The following OPCML variants were observed in gnomAD, a reference collection of about 807,000 sequenced individuals.
OPCML encodes opioid binding protein/cell adhesion molecule like.
A neutral mutation model predicts 37.8 loss-of-function variants in OPCML; 13 were observed. That is an observed-to-expected ratio of 0.34 (90% CI 0.22 to 0.55). The LOEUF (loss-of-function observed/expected upper bound fraction) is 0.55, where lower values mean the gene tolerates loss of function less well. Ranked by LOEUF, OPCML falls within the 20% of genes least tolerant of loss-of-function variation. The probability of loss-of-function intolerance (pLI) is 0.91; values close to 1 mark genes in which losing one functional copy is unlikely to be tolerated. For missense variants in OPCML, 341 were observed against 435.6 expected (o/e 0.78, Z 1.93); for synonymous variants, 176 against 168.8 (o/e 1.04, Z -0.33).
intron 1 of OPCML, among the ~76,000 whole-genome samples, chr11:133,496,265 A>G (rs1947785292): frequency 1.3e-5 from 2 of 152,136 alleles, no homozygotes; most frequent in Non-Finnish European, 2.9e-5. Context: ...CTATGTGCCT[A>G]TTTTTATACC....
At chr11:132,882,814 T>G (rs1265924189) in intron 2 of OPCML, among the ~76,000 whole-genome samples, 1 of 152,094 alleles carries the variant, frequency 6.6e-6, no homozygotes, top group African/African-American at 2.4e-5. Flanking sequence ...GCATAGGCCA[T>G]AAGAGGTTTC....
At chr11:132,707,849 C>T (rs1944099303) in intron 2 of OPCML, among the ~76,000 whole-genome samples, 1 of 152,042 alleles carries the variant, frequency 6.6e-6, no homozygotes, top group African/African-American at 2.4e-5. Flanking sequence ...TTACAGTAAA[C>T]ATATTATAGA....
chr11:133,526,681 G>A (rs1181884095), intron 1 of OPCML, among the ~76,000 whole-genome samples: 1 of 152,202 alleles, frequency 6.6e-6, no homozygotes. Flanking sequence ...CTACATCCAT[G>A]CCCTACTGTG....
At chr11:133,493,918 A>T (rs1255958291) in intron 1 of OPCML, among the ~76,000 whole-genome samples, 1 of 152,130 alleles carries the variant, frequency 6.6e-6, no homozygotes, top group African/African-American at 2.4e-5. Flanking sequence ...ATCAGAGTGA[A>T]CAGGCAACCC....
chr11:133,320,310 T>C (rs951817247), intron 1 of OPCML, among the ~76,000 whole-genome samples: 2 of 152,186 alleles, frequency 1.3e-5, no homozygotes, highest in Non-Finnish European at 2.9e-5. Flanking sequence ...TCCTATTCAA[T>C]AATAGTTATT....
At chr11:132,452,035 CAGGCT>C (rs2096069592) in intron 4 of OPCML, among the ~76,000 whole-genome samples, 2 of 152,076 alleles carry the variant, frequency 1.3e-5, no homozygotes, top group African/African-American at 4.8e-5. Flanking sequence ...TGTCACAGGA[CAGGCT>C]AGGCTATTGG....
At chr11:132,868,108 T>C (rs1942645637) in intron 2 of OPCML, among the ~76,000 whole-genome samples, 1 of 152,108 alleles carries the variant, frequency 6.6e-6, no homozygotes, top group Non-Finnish European at 1.5e-5. Flanking sequence ...GCTACTTCTG[T>C]GGAAAGCGGG....
Position 132,969,613 on chromosome 11 carries a change from T to C in OPCML, c.62-26603A>G, listed in dbSNP as rs373271974. Reference sequence around the variant, plus strand: ...CTCTGTTCACTTTTCTTCACACTTTTTTCTCTGTTTTTCTGATTGCGTACT... The same window carrying C: ...CTCTGTTCACTTTTCTTCACACTTTCTTCTCTGTTTTTCTGATTGCGTACT... On this transcript the variant is annotated intron_variant, in intron 1 of 7. Coordinates refer to ENST00000524381, the MANE Select transcript of OPCML (RefSeq NM_001012393.5). Among the ~76,000 whole-genome samples the C allele has an allele frequency of 7.9e-5, 12 of 152,336 alleles. No individual in the cohort carries two copies. In the East Asian group the frequency reaches 2.3e-3, roughly 29 times the overall value.
At chr11:132,942,880 G>T in intron 2 of OPCML, 46 bp downstream of exon 2, 1 of 1,606,582 alleles carries the variant, frequency 6.2e-7, no homozygotes, top group South Asian at 1.1e-5. Flanking sequence ...TCTCCCCAGC[G>T]ACCACAGCCC....
At chr11:132,911,388 C>T (rs781602472) in intron 2 of OPCML, among the ~76,000 whole-genome samples, 9 of 152,180 alleles carry the variant, frequency 5.9e-5, no homozygotes, top group Non-Finnish European at 1.2e-4. Context: ...GAAAGAGACA[C>T]GACAGAAGGA....
intron 2 of OPCML, among the ~76,000 whole-genome samples, chr11:132,922,516 G>A (rs78628762): frequency 6.6e-6 from 1 of 151,980 alleles, no homozygotes. Flanking sequence ...CCCGAGGAAA[G>A]AGGAGGGCGG....
chr11:132,452,518 C>CTTCT (rs2096071059), intron 4 of OPCML, among the ~76,000 whole-genome samples: 1 of 147,896 alleles, frequency 6.8e-6, no homozygotes, highest in African/African-American at 2.5e-5. Flanking sequence ...TCCTTCCTTC[C>CTTCT]TTCCTTCTTT....
intron 4 of OPCML, among the ~76,000 whole-genome samples, chr11:132,448,606 AGG>A (rs2096061332): frequency 6.6e-6 from 1 of 152,216 alleles, no homozygotes; most frequent in Admixed American, 6.5e-5. Flanking sequence ...GTGCTATTCT[AGG>A]CAAGTCTGTC....
chr11:132,916,137 G>C (rs994785774), intron 2 of OPCML, among the ~76,000 whole-genome samples: 1 of 151,972 alleles, frequency 6.6e-6, no homozygotes, highest in Non-Finnish European at 1.5e-5. Flanking sequence ...ATTACTTTTT[G>C]ATTGTAGTAT....
intron 3 of OPCML, among the ~76,000 whole-genome samples, chr11:132,655,208 C>T (rs375911774): frequency 3.8e-4 from 58 of 152,274 alleles, no homozygotes; most frequent in South Asian, 3.7e-3. Context: ...TTTTTTATTT[C>T]GGTGCCACAT....
intron 1 of OPCML, among the ~76,000 whole-genome samples, chr11:132,947,438 G>A (rs1010897834): frequency 2.0e-5 from 3 of 152,190 alleles, no homozygotes; most frequent in Non-Finnish European, 4.4e-5. Context: ...TTCTGTAACA[G>A]CATTTCCTAG....
chr11:133,449,342 G>A (rs1432121450), intron 1 of OPCML, among the ~76,000 whole-genome samples: 1 of 152,184 alleles, frequency 6.6e-6, no homozygotes, highest in Non-Finnish European at 1.5e-5. Flanking sequence ...AGCAGCTAAA[G>A]GCAATGTGTA....
At chr11:132,971,857 A>G (rs1946350041) in intron 1 of OPCML, among the ~76,000 whole-genome samples, 2 of 151,934 alleles carry the variant, frequency 1.3e-5, no homozygotes, top group South Asian at 4.2e-4. Context: ...AAACCACTAG[A>G]CCCTACTGGC....
At chr11:133,457,568 TATGTTTTTTA>T (rs1474796452) in intron 1 of OPCML, among the ~76,000 whole-genome samples, 1 of 151,914 alleles carries the variant, frequency 6.6e-6, no homozygotes, top group African/African-American at 2.4e-5. Context: ...TTTATGTTTT[TATGTTTTTTA>T]ATGTTATATT....
Sources: allele counts gnomAD v4.1 joint callset (sites outside exome capture counted in the v4.1 genomes callset), GRCh38; gene constraint gnomAD v4.1.1; transcripts MANE v1.5; gene names NCBI Gene and HGNC (gene_info 2026-07-23, HGNC 2026-07-21).